Variants in SLC10A7 observed in about 807,000 individuals in gnomAD.
SLC10A7 encodes sodium/bile acid cotransporter 7.
SLC10A7 carries 29 observed loss-of-function variants against 43.2 expected under a neutral mutation model. That is an observed-to-expected ratio of 0.67 (90% CI 0.50 to 0.92). The LOEUF (loss-of-function observed/expected upper bound fraction) is 0.92. Among genes scored for constraint, SLC10A7 ranks in the 40% least tolerant of loss-of-function variants. SLC10A7 has a pLI of 0.00. For missense variants in SLC10A7, 295 were observed against 403.2 expected, an observed-to-expected ratio of 0.73 and a Z score of 2.30; for synonymous variants, 152 against 144.8, an observed-to-expected ratio of 1.05 and a Z score of -0.35.
intron 7 of SLC10A7, among the ~76,000 whole-genome samples, chr4:146,297,744 C>T (rs1048604808): frequency 3.3e-5 from 5 of 152,114 alleles, no homozygotes; most frequent in Non-Finnish European, 7.4e-5. Context: ...AAATCAAATC[C>T]AATTTCTGTA....
At chr4:146,359,643 T>C (rs192860056) in intron 5 of SLC10A7, among the ~76,000 whole-genome samples, 26 of 152,300 alleles carry the variant, frequency 1.7e-4, no homozygotes, top group Middle Eastern at 3.4e-3. Flanking sequence ...ATAAATCTTA[T>C]ATTTGGCTTG....
chr4:146,432,687 A>T (rs903787936), intron 5 of SLC10A7, among the ~76,000 whole-genome samples: 25 of 152,196 alleles, frequency 1.6e-4, no homozygotes, highest in Admixed American at 3.9e-4. Flanking sequence ...GACTGCATAC[A>T]TTTGTCAAAA....
intron 5 of SLC10A7, among the ~76,000 whole-genome samples, chr4:146,410,825 CT>C (rs1195416490): frequency 6.6e-6 from 1 of 151,958 alleles, no homozygotes; most frequent in Non-Finnish European, 1.5e-5. Flanking sequence ...TTCATAGTTT[CT>C]TCACCTTTAT....
At chr4:146,424,388 C>T (rs57961747) in intron 5 of SLC10A7, among the ~76,000 whole-genome samples, 2,573 of 152,250 alleles carry the variant, frequency 0.017, 84 homozygotes, top group African/African-American at 0.059. Context: ...GGGCTGGGCA[C>T]GGTGGCTCAC....
chr4:146,357,110 G>T (rs930170751), intron 5 of SLC10A7, among the ~76,000 whole-genome samples: 5 of 152,156 alleles, frequency 3.3e-5, no homozygotes, highest in African/African-American at 1.2e-4. Context: ...ACTAACACTT[G>T]TTAGGCATTT....
intron 5 of SLC10A7, among the ~76,000 whole-genome samples, chr4:146,406,734 G>A (rs1170038420): frequency 6.6e-6 from 1 of 152,186 alleles, no homozygotes; most frequent in Non-Finnish European, 1.5e-5. Context: ...TGTGATCCCA[G>A]CACTTTAGGA....
At position 146,483,450 on chromosome 4, in the gene SLC10A7, CAAA is replaced by C. The variant is rs34046091; in HGVS notation, c.396+20396_396+20398del. 5.3e-5 allele frequency among the ~76,000 whole-genome samples: 8 copies of C among 151,056 alleles called. No homozygotes were observed. The East Asian group carries it at 7.8e-4, about 15-fold the overall frequency. On this transcript the variant is annotated intron_variant, in intron 4 of 11. Transcript: ENST00000335472. ...AAACCTCATAGTAACCACACACACA[CAAA>C]AAAAAAACCCTACATCATATATACA...
At chr4:146,276,461 C>G (rs1729214697) in intron 10 of SLC10A7, among the ~76,000 whole-genome samples, 1 of 151,892 alleles carries the variant, frequency 6.6e-6, no homozygotes, top group Non-Finnish European at 1.5e-5. Flanking sequence ...CAATGTTTAC[C>G]TATTAAATGC....
At chr4:146,492,219 CAA>C (rs1425130527) in intron 4 of SLC10A7, among the ~76,000 whole-genome samples, 3 of 119,152 alleles carry the variant, frequency 2.5e-5, no homozygotes, top group Admixed American at 8.7e-5. Context: ...GTCTCTGTCT[CAA>C]AAAAAAAAAA....
chr4:146,442,605 A>G (rs1320043940), intron 5 of SLC10A7, 178 bp downstream of exon 5: 14 of 1,449,298 alleles, frequency 9.7e-6, no homozygotes, highest in African/African-American at 1.5e-5. Flanking sequence ...ATTGTAAGAG[A>G]ACATTTGCTT....
intron 4 of SLC10A7, among the ~76,000 whole-genome samples, chr4:146,487,732 A>C (rs1735046269): frequency 3.3e-5 from 5 of 152,122 alleles, no homozygotes; most frequent in African/African-American, 7.2e-5. Flanking sequence ...TACTTCATAC[A>C]ATTATATGGA....
At chr4:146,467,820 C>T (rs1733184288) in intron 4 of SLC10A7, among the ~76,000 whole-genome samples, 2 of 152,108 alleles carry the variant, frequency 1.3e-5, no homozygotes, top group South Asian at 4.1e-4. Flanking sequence ...GCCTTGGCCT[C>T]CCAAAGTGCT....
chr4:146,301,314 G>T (rs960621788), intron 7 of SLC10A7, among the ~76,000 whole-genome samples: 2 of 152,154 alleles, frequency 1.3e-5, no homozygotes, highest in African/African-American at 2.4e-5. Flanking sequence ...GAGCAGTGAA[G>T]GGCCATGGTC....
intron 5 of SLC10A7, among the ~76,000 whole-genome samples, chr4:146,379,980 T>C (rs895543336): frequency 1.1e-4 from 16 of 151,972 alleles, no homozygotes; most frequent in African/African-American, 3.6e-4. Context: ...TGTGTGTGTG[T>C]GTGCGTGTGT....
In SLC10A7 at chr4:146,447,622, T is replaced by C. The variant is rs143715676; in HGVS notation, c.397-4801A>G. Among the ~76,000 whole-genome samples, 358 of 152,090 alleles carry C rather than the reference T, an allele frequency of 2.4e-3. 3 individuals are homozygous for C. The highest frequency in any genetic ancestry group is 8.2e-3 in the African/African-American group (341 of 41,482). ...CATAAAATCCCATTAGCAAAATGTA[T>C]ACCTTGGAGTAATCACATTTGGTGA... On this transcript the variant is annotated intron_variant, in intron 4 of 11. Transcript: ENST00000335472.
At chr4:146,473,124 T>C (rs1722187348) in intron 4 of SLC10A7, among the ~76,000 whole-genome samples, 1 of 152,246 alleles carries the variant, frequency 6.6e-6, no homozygotes, top group African/African-American at 2.4e-5. Flanking sequence ...TTTTTAATTC[T>C]AATCCAAGCA....
At chr4:146,282,173 C>T (rs1249895984) in intron 10 of SLC10A7, among the ~76,000 whole-genome samples, 1 of 152,132 alleles carries the variant, frequency 6.6e-6, no homozygotes, top group Non-Finnish European at 1.5e-5. Flanking sequence ...AAAAATAGAG[C>T]AGTGCATAGA....
intron 9 of SLC10A7, among the ~76,000 whole-genome samples, chr4:146,292,413 C>T (rs769305713): frequency 2.6e-5 from 4 of 151,016 alleles, no homozygotes; most frequent in African/African-American, 4.9e-5. Context: ...GAAGTAGGAT[C>T]GGGAAATTGA....
intron 4 of SLC10A7, among the ~76,000 whole-genome samples, chr4:146,446,716 C>T (rs1360129202): frequency 4.6e-5 from 7 of 151,878 alleles, no homozygotes; most frequent in Admixed American, 3.9e-4. Context: ...CTGAAGTGGC[C>T]AGAAGTAGAA....
Sources: allele counts gnomAD v4.1 joint callset (sites outside exome capture counted in the v4.1 genomes callset), GRCh38; gene constraint gnomAD v4.1.1; transcripts MANE v1.5; gene names NCBI Gene and HGNC (gene_info 2026-07-23, HGNC 2026-07-21).